Variants in ZNF385D observed in about 807,000 individuals in gnomAD.
ZNF385D encodes zinc finger protein 385D.
In ZNF385D, 15 loss-of-function variants were observed where a neutral mutation model predicts 35.8. That is an observed-to-expected ratio of 0.42 (90% CI 0.28 to 0.64). ZNF385D has a LOEUF of 0.64. Ranked by LOEUF, ZNF385D falls within the 30% of genes least tolerant of loss-of-function variation. ZNF385D has a pLI of 0.23. For synonymous variants in ZNF385D, 212 were observed against 186.8 expected (o/e 1.13, Z -1.10); for missense variants, 474 against 494.6 (o/e 0.96, Z 0.39).
intron 3 of ZNF385D, among the ~76,000 whole-genome samples, chr3:22,012,889 G>C (rs1696665584): frequency 1.3e-5 from 2 of 152,102 alleles, no homozygotes; most frequent in Admixed American, 1.3e-4. Flanking sequence ...TCTCAATTAA[G>C]TAATCATAGG....
At chr3:21,730,868 G>C (rs9812631) in intron 1 of ZNF385D, among the ~76,000 whole-genome samples, 1 of 151,864 alleles carries the variant, frequency 6.6e-6, no homozygotes, top group East Asian at 1.9e-4. Context: ...GCTTATTTTG[G>C]TCATGGCTGC....
At chr3:21,497,537 T>A (rs996309962) in intron 4 of ZNF385D, among the ~76,000 whole-genome samples, 3 of 152,202 alleles carry the variant, frequency 2.0e-5, no homozygotes, top group Admixed American at 1.3e-4. Flanking sequence ...CAGAATTATT[T>A]AAAAAAATTT....
At chr3:21,679,073 T>A (rs1047133541) in intron 1 of ZNF385D, among the ~76,000 whole-genome samples, 1 of 151,264 alleles carries the variant, frequency 6.6e-6, no homozygotes, top group African/African-American at 2.4e-5. Context: ...CAGAATATTC[T>A]AAGTGCTTAA....
chr3:21,778,874 G>A (rs898113685), intron 3 of ZNF385D, among the ~76,000 whole-genome samples: 2 of 151,870 alleles, frequency 1.3e-5, no homozygotes, highest in Admixed American at 6.6e-5. Flanking sequence ...TCACTGTCTG[G>A]CACATAGTCT....
intron 1 of ZNF385D, among the ~76,000 whole-genome samples, chr3:21,724,638 C>A (rs1411604792): frequency 6.6e-6 from 1 of 151,538 alleles, no homozygotes; most frequent in Non-Finnish European, 1.5e-5. Context: ...GCTAACTATA[C>A]TAAATATATA....
chr3:22,127,019 G>A (rs1703472222), intron 3 of ZNF385D, among the ~76,000 whole-genome samples: 2 of 151,966 alleles, frequency 1.3e-5, no homozygotes, highest in Non-Finnish European at 2.9e-5. Flanking sequence ...GCTTTCATTA[G>A]TATGGAATAT....
intron 2 of ZNF385D, among the ~76,000 whole-genome samples, chr3:22,172,288 G>C (rs1197484951): frequency 6.6e-6 from 1 of 152,194 alleles, no homozygotes; most frequent in Non-Finnish European, 1.5e-5. Context: ...TTGTGTGAGT[G>C]TGTTTTAATT....
chr3:21,760,070 A>G (rs2070533309), intron 3 of ZNF385D, among the ~76,000 whole-genome samples: 1 of 152,198 alleles, frequency 6.6e-6, no homozygotes, highest in African/African-American at 2.4e-5. Flanking sequence ...TAATGGGAAA[A>G]CAAAATATTA....
intron 3 of ZNF385D, among the ~76,000 whole-genome samples, chr3:22,025,161 C>T (rs139634374): frequency 0.016 from 2,493 of 152,200 alleles, 82 homozygotes; most frequent in African/African-American, 0.056. Context: ...GGAACAGCTT[C>T]CCCATCCCCA....
chr3:21,760,176 G>C (rs371892371), intron 3 of ZNF385D, among the ~76,000 whole-genome samples: 24 of 152,126 alleles, frequency 1.6e-4, no homozygotes, highest in Middle Eastern at 3.2e-3. Context: ...CCTTTTGGTG[G>C]ATAAAATGAC....
chr3:21,594,709 C>G (rs1378620401), intron 2 of ZNF385D, among the ~76,000 whole-genome samples: 1 of 152,042 alleles, frequency 6.6e-6, no homozygotes, highest in East Asian at 1.9e-4. Context: ...TTGCCCTGTG[C>G]CTTCCCTTGT....
intron 2 of ZNF385D, among the ~76,000 whole-genome samples, chr3:22,311,180 T>C (rs1322437338): frequency 6.6e-6 from 1 of 152,024 alleles, no homozygotes; most frequent in African/African-American, 2.4e-5. Flanking sequence ...ATAGTATTTA[T>C]TCTTAAAGTC....
intron 4 of ZNF385D, among the ~76,000 whole-genome samples, chr3:21,507,957 A>G (rs1706904519): frequency 6.6e-6 from 1 of 152,188 alleles, no homozygotes; most frequent in African/African-American, 2.4e-5. Flanking sequence ...AAAATATCTG[A>G]TGAGTGTGCT....
intron 7 of ZNF385D, 65 bp from the exon 8 acceptor site, chr3:21,421,512 A>G: frequency 8.4e-7 from 1 of 1,184,622 alleles, no homozygotes; most frequent in Non-Finnish European, 1.2e-6. Context: ...AAAACCCAAA[A>G]TGGCAGGGAG....
chr3:21,432,571 C>T (rs1450100544), intron 5 of ZNF385D, among the ~76,000 whole-genome samples: 1 of 151,640 alleles, frequency 6.6e-6, no homozygotes, highest in Non-Finnish European at 1.5e-5. Flanking sequence ...AGAGCACTAC[C>T]TACTAGGATA....
intron 3 of ZNF385D, among the ~76,000 whole-genome samples, chr3:21,819,789 T>C (rs915832607): frequency 7.7e-6 from 1 of 129,406 alleles, no homozygotes; most frequent in Non-Finnish European, 1.7e-5. Context: ...ATAAATATAA[T>C]ATACATATAT....
intron 2 of ZNF385D, among the ~76,000 whole-genome samples, chr3:21,566,392 G>A (rs1218377208): frequency 1.3e-5 from 2 of 152,130 alleles, no homozygotes; most frequent in Non-Finnish European, 2.9e-5. Context: ...TGGGAAGGCC[G>A]AGGTGGGTGG....
chr3:22,242,255 A>G (rs1699540593), intron 2 of ZNF385D, among the ~76,000 whole-genome samples: 1 of 151,200 alleles, frequency 6.6e-6, no homozygotes. Flanking sequence ...TCCACTCCCT[A>G]AGAAGGTGAT....
At chr3:22,229,720 A>C (rs868431818) in intron 2 of ZNF385D, among the ~76,000 whole-genome samples, 4 of 152,300 alleles carry the variant, frequency 2.6e-5, no homozygotes, top group African/African-American at 9.6e-5. Flanking sequence ...CACCTACAGC[A>C]ATAGACAAGT....
Sources: gnomAD v4.1 joint callset for allele counts (sites outside exome capture counted in the v4.1 genomes callset) on GRCh38, gnomAD v4.1.1 for gene constraint, MANE v1.5 for transcripts, NCBI Gene and HGNC (gene_info 2026-07-23, HGNC 2026-07-21) for gene names.